CCDC33: variants seen among roughly 807,000 people sequenced by gnomAD.
The protein encoded by CCDC33 is coiled-coil domain-containing protein 33.
In CCDC33, 94 loss-of-function variants were observed where a neutral mutation model predicts 91.9. The ratio of observed to expected loss-of-function variants is 1.02; its 90% CI spans 0.87 to 1.21. The LOEUF is 1.21. CCDC33 is among the 50% of genes most tolerant of loss of function. CCDC33 has a pLI of 0.00. For synonymous variants in CCDC33, 396 were observed against 374.5 expected (o/e 1.06, Z -0.66); for missense variants, 940 against 935.5 (o/e 1.00, Z -0.06).
Position 74,266,679 on chromosome 15 carries a change from T to C in CCDC33, c.321T>C (p.Asp107=). Residue 107 remains aspartate (D), a splice_region_variant and synonymous_variant, in exon 4 of 19, where the codon GAT becomes GAC. Coordinates refer to ENST00000398814, the MANE Select transcript of CCDC33 (RefSeq NM_025055.5). The part of the protein sequence containing the change: ...EIQAEDAGQE[D]VILKVVDNRK... The stretch of plus-strand genomic sequence containing the variant: ...TGGGCTCATTTTTTCTCTTTCCAGA[T>C]GTGATCCTCAAGGTGGTGGACAACA... 6.2e-7 allele frequency: 1 copy of C among 1,611,488 alleles called. No homozygotes were observed. The highest frequency in any genetic ancestry group is 1.1e-5 in the South Asian group (1 of 91,032).
At chr15:74,216,432 C>CT (rs563752526), upstream of CCDC33, among the ~76,000 whole-genome samples, 543 of 150,128 alleles carry the variant, frequency 3.6e-3, 1 homozygote, top group Non-Finnish European at 5.9e-3. Flanking sequence ...GACTAGAACT[C>CT]TTTGTCTCAG....
chr15:74,333,607 G>C (rs999764536), intron 16 of CCDC33, among the ~76,000 whole-genome samples: 1 of 152,146 alleles, frequency 6.6e-6, no homozygotes, highest in Non-Finnish European at 1.5e-5. Flanking sequence ...GTTAATTATA[G>C]GGGGCTCCCT....
chr15:74,294,497 C>T (rs1419458630), intron 10 of CCDC33, among the ~76,000 whole-genome samples: 3 of 151,868 alleles, frequency 2.0e-5, no homozygotes, highest in Admixed American at 2.0e-4. Flanking sequence ...CCTGTAATCC[C>T]AGCACTTTGG....
intron 3 of CCDC33, among the ~76,000 whole-genome samples, chr15:74,266,320 ATGCCTGCTTGCCTGTGTATCTCAGTGTG>A (rs887316679): frequency 6.6e-6 from 1 of 152,022 alleles, no homozygotes; most frequent in Admixed American, 6.6e-5. Context: ...AAGAGGTGCT[ATGCCTGCTTGCCTGTGTATCTCAGTGTG>A]TGCACATGTG....
intron 10 of CCDC33, among the ~76,000 whole-genome samples, chr15:74,291,180 C>T (rs1366567526): frequency 1.3e-5 from 2 of 152,244 alleles, no homozygotes; most frequent in Non-Finnish European, 2.9e-5. Flanking sequence ...CGCAGGATGC[C>T]ATAAATGAGG....
chr15:74,225,746 G>C (rs16966972), intron 2 of CCDC33, among the ~76,000 whole-genome samples: 3,020 of 152,282 alleles, frequency 0.02, 103 homozygotes, highest in African/African-American at 0.069. Context: ...AAAACCCTGC[G>C]TGAAACCCAT....
chr15:74,236,528 CACATCCAGG>C lies in CCDC33; in HGVS notation c.-191_-183del. On this transcript the variant is annotated 5_prime_UTR_variant, in exon 1 of 19. Coordinates refer to ENST00000398814, the MANE Select transcript of CCDC33 (RefSeq NM_025055.5). ...CACCTGGCCACCCTCCCCCTCCCCC[CACATCCAGG>C]CCCCAGGGCTGGTGTGTGGCACCCC... is the stretch of plus-strand genomic sequence containing the variant. 1 of 430,532 alleles carries C rather than the reference CACATCCAGG, an allele frequency of 2.3e-6. No individual in the cohort carries two copies. 26.7% of individuals were successfully genotyped at this position (430,532 alleles called of 1,614,324 possible).
intron 2 of CCDC33, among the ~76,000 whole-genome samples, chr15:74,256,188 G>A (rs1003573906): frequency 2.6e-5 from 4 of 152,180 alleles, no homozygotes; most frequent in African/African-American, 7.2e-5. Context: ...CGGCCATCCA[G>A]GCTCCAGTCG....
chr15:74,218,380 C>A lies in CCDC33; in HGVS notation c.311-117C>A. The A allele has an allele frequency of 9.2e-7, 1 of 1,086,700 alleles. No homozygotes were observed. Among genetic ancestry groups the A allele is most frequent in the Non-Finnish European group, 1.2e-6 (1 of 844,766 alleles). The allele number at this position is 1,086,700 out of a possible 1,614,324, so 67.3% of individuals were successfully genotyped here. On this transcript the variant is annotated intron_variant, in intron 1 of 2. Coordinates refer to the CCDC33 transcript ENST00000635913. This position sits in a 1 kb window ranked among gnomAD's most constrained non-coding sequence, Gnocchi z 4.8. ...GGAAATCTTAGCCAAGACTGCTTGG[C>A]TTTGACTCAAAGTCTGGGCAGCCCA...
chr15:74,266,918 G>T lies in CCDC33; in HGVS notation c.429+131G>T, dbSNP rs1020247719. The T allele has an allele frequency of 4.3e-5, 27 of 625,896 alleles. No homozygotes were observed. In the African/African-American group the frequency reaches 4.9e-4, roughly 11 times the overall value. The allele number at this position is 625,896 out of a possible 1,614,324, so 38.8% of individuals were successfully genotyped here. A position where few individuals can be genotyped will look rare whatever the true frequency, so the allele number is the denominator to read the frequency against. On this transcript the variant is annotated intron_variant, in intron 4 of 18. Coordinates refer to ENST00000398814, the MANE Select transcript of CCDC33 (RefSeq NM_025055.5). ...GCATGACAAGTCTAGGACCATGTGG[G>T]GCTCAGGAAACATGGCTCCTGGTAC...
At chr15:74,262,323 G>A in intron 2 of CCDC33, 117 bp from the exon 3 acceptor site, 1 of 1,363,696 alleles carries the variant, frequency 7.3e-7, no homozygotes, top group Non-Finnish European at 1.0e-6. Flanking sequence ...GCATGGGACA[G>A]AGCTCTCCAT....
chr15:74,289,525 G>C (rs552270566), intron 10 of CCDC33, among the ~76,000 whole-genome samples: 1 of 152,306 alleles, frequency 6.6e-6, no homozygotes, highest in East Asian at 1.9e-4. Flanking sequence ...ACCAGCCCGG[G>C]CAACATGGCA....
chr15:74,230,726 G>A (rs536251387), intron 2 of CCDC33, among the ~76,000 whole-genome samples: 24 of 152,196 alleles, frequency 1.6e-4, no homozygotes, highest in African/African-American at 5.8e-4. Flanking sequence ...GTGAGGGAAA[G>A]CTCACTGTGG....
At chr15:74,245,019 A>C (rs1324530146) in intron 2 of CCDC33, among the ~76,000 whole-genome samples, 1 of 152,072 alleles carries the variant, frequency 6.6e-6, no homozygotes, top group Non-Finnish European at 1.5e-5. Flanking sequence ...CCCACTCACC[A>C]ATGCCTGCTG....
intron 2 of CCDC33, among the ~76,000 whole-genome samples, chr15:74,258,828 C>G (rs1263283246): frequency 6.6e-6 from 1 of 152,188 alleles, no homozygotes; most frequent in African/African-American, 2.4e-5. Context: ...TTCCCTTAGT[C>G]ATGACCTTGC....
intron 15 of CCDC33, among the ~76,000 whole-genome samples, chr15:74,331,793 G>A (rs1195800265): frequency 6.6e-6 from 1 of 152,216 alleles, no homozygotes; most frequent in Non-Finnish European, 1.5e-5. Context: ...ACTTTGGGAG[G>A]CCGAGGAGGG....
chr15:74,320,437 G>A (rs1223521100), intron 11 of CCDC33, among the ~76,000 whole-genome samples: 1 of 152,000 alleles, frequency 6.6e-6, no homozygotes, highest in Non-Finnish European at 1.5e-5. Flanking sequence ...CACTCCTAGG[G>A]TGTGAGCCAT....
intron 2 of CCDC33, among the ~76,000 whole-genome samples, chr15:74,260,265 G>A (rs2075986471): frequency 6.6e-6 from 1 of 152,172 alleles, no homozygotes; most frequent in Non-Finnish European, 1.5e-5. Flanking sequence ...CCACGTTCCT[G>A]CCAGGCTTCT....
Position 74,280,107 on chromosome 15 carries a change from G to C in CCDC33, c.889+15G>C, listed in dbSNP as rs769001580. 1 of 1,613,698 alleles carries C rather than the reference G, an allele frequency of 6.2e-7. No individual in the cohort carries two copies. Among genetic ancestry groups the C allele is most frequent in the Non-Finnish European group, 8.5e-7 (1 of 1,179,814 alleles). ...CTCAACTTCAAGTACGTGACCCCTG[G>C]TGCCTCGCCAGGGCAGCCATGCCTC... On this transcript the variant is annotated intron_variant, in intron 8 of 18. Transcript: ENST00000398814.
Sources: allele counts gnomAD v4.1 joint callset (sites outside exome capture counted in the v4.1 genomes callset), GRCh38; gene constraint gnomAD v4.1.1; non-coding constraint Gnocchi (gnomAD v3.1); transcripts MANE v1.5; gene names NCBI Gene and HGNC (gene_info 2026-07-23, HGNC 2026-07-21).